Variants in MAPK4 observed in about 807,000 individuals in gnomAD.
MAPK4 encodes mitogen-activated protein kinase 4.
Under a neutral mutation model 47.7 loss-of-function variants are expected in MAPK4, and 22 were observed. That is an observed-to-expected ratio of 0.46 (90% CI 0.33 to 0.66). The LOEUF (loss-of-function observed/expected upper bound fraction) is 0.66, where lower values mean the gene tolerates loss of function less well. Among genes scored for constraint, MAPK4 ranks in the 30% least tolerant of loss-of-function variants. The pLI is 0.02. For missense variants in MAPK4, 736 were observed against 831.7 expected (o/e 0.88, Z 1.42); for synonymous variants, 390 against 365.7 (o/e 1.07, Z -0.76).
At chr18:50,701,839 T>C (rs115863156) in intron 2 of MAPK4, among the ~76,000 whole-genome samples, 3,471 of 152,278 alleles carry the variant, frequency 0.023, 54 homozygotes, top group Admixed American at 0.041. Flanking sequence ...AGAAAACTTA[T>C]AAGGTAAAAG....
intron 2 of MAPK4, among the ~76,000 whole-genome samples, chr18:50,675,931 A>G (rs991619292): frequency 2.6e-5 from 4 of 152,204 alleles, no homozygotes; most frequent in African/African-American, 4.8e-5. Context: ...CTTAAAATGT[A>G]TCTTCCAGAA....
At chr18:50,615,692 C>G (rs149777725) in intron 1 of MAPK4, among the ~76,000 whole-genome samples, 12 of 152,260 alleles carry the variant, frequency 7.9e-5, no homozygotes, top group African/African-American at 1.7e-4. Flanking sequence ...GTAATCTTTG[C>G]CACAGGTGTA....
intron 2 of MAPK4, among the ~76,000 whole-genome samples, chr18:50,697,085 A>G (rs1909554254): frequency 6.6e-6 from 1 of 152,228 alleles, no homozygotes; most frequent in African/African-American, 2.4e-5. Flanking sequence ...TTGCTGAATC[A>G]GAAACCCTGG....
chr18:50,644,252 A>C (rs1256509773), intron 1 of MAPK4, among the ~76,000 whole-genome samples: 2 of 151,844 alleles, frequency 1.3e-5, no homozygotes, highest in Non-Finnish European at 2.9e-5. Flanking sequence ...CCTGTAAATG[A>C]CACCTGGGGA....
intron 2 of MAPK4, chr18:50,704,472 C>A (rs1909946521): frequency 5.0e-6 from 2 of 398,044 alleles, no homozygotes; most frequent in Non-Finnish European, 8.8e-6. Flanking sequence ...CAAAGTGAGA[C>A]CCTGTCTCCA....
At chr18:50,622,896 G>A (rs2042745014) in intron 1 of MAPK4, among the ~76,000 whole-genome samples, 1 of 152,224 alleles carries the variant, frequency 6.6e-6, no homozygotes, top group African/African-American at 2.4e-5. Flanking sequence ...GATTGTCGGG[G>A]AGAAAGTAGT....
intron 1 of MAPK4, among the ~76,000 whole-genome samples, chr18:50,589,213 A>G (rs945234873): frequency 2.0e-5 from 3 of 152,176 alleles, no homozygotes; most frequent in African/African-American, 7.2e-5. Flanking sequence ...CCTGGTCCTA[A>G]AGATTATTTG....
chr18:50,657,762 C>T (rs1366753742), intron 1 of MAPK4, among the ~76,000 whole-genome samples: 1 of 151,636 alleles, frequency 6.6e-6, no homozygotes, highest in African/African-American at 2.4e-5. Context: ...AACATTCAGC[C>T]GTGCACAGGA....
intron 1 of MAPK4, among the ~76,000 whole-genome samples, chr18:50,598,242 G>A (rs2042502586): frequency 6.6e-6 from 1 of 152,288 alleles, no homozygotes; most frequent in South Asian, 2.1e-4. Context: ...ATAAAAATAA[G>A]CAAGAAATAG....
chr18:50,731,177 C>T lies in MAPK4; in HGVS notation c.*1323C>T, dbSNP rs1911545076. ...GGAAGGGACTCAAAGCAGCAATGCC[C>T]CTCATAGTGTAGGCTAAGGTGAGTT... On this transcript the variant is annotated 3_prime_UTR_variant, in exon 6 of 6. Coordinates refer to ENST00000400384, the MANE Select transcript of MAPK4 (RefSeq NM_002747.4). The T allele has an allele frequency of 6.6e-6, 1 of 152,404 alleles. No homozygotes were observed. The highest frequency in any genetic ancestry group is 1.5e-5 in the Non-Finnish European group (1 of 68,172). 9.4% of individuals were successfully genotyped at this position (152,404 alleles called of 1,614,324 possible).
intron 2 of MAPK4, among the ~76,000 whole-genome samples, chr18:50,677,276 A>G (rs1908326281): frequency 6.6e-6 from 1 of 152,210 alleles, no homozygotes; most frequent in Non-Finnish European, 1.5e-5. Context: ...AAAAACTCCA[A>G]AATGTTAACA....
At chr18:50,669,355 G>T (rs1887638452) in intron 2 of MAPK4, 1 of 152,240 alleles carries the variant, frequency 6.6e-6, no homozygotes, top group African/African-American at 2.4e-5. Flanking sequence ...TAAGGCTTAA[G>T]AAAGGTCAGG....
chr18:50,717,410 G>A (rs1313081701), intron 3 of MAPK4, among the ~76,000 whole-genome samples: 1 of 152,072 alleles, frequency 6.6e-6, no homozygotes, highest in Non-Finnish European at 1.5e-5. Context: ...GCTTACAGGA[G>A]GCATGGCCAG....
Position 50,656,046 on chromosome 18 carries a change from AAT to A in MAPK4, c.-870-7042_-870-7041del, listed in dbSNP as rs1407687817. Among the ~76,000 whole-genome samples the A allele has an allele frequency of 8.5e-5, 13 of 152,204 alleles. No homozygotes were observed. In the East Asian group the frequency reaches 2.3e-3, roughly 27 times the overall value. ...AGAATTCTATCTGACTCTGGAATCT[AAT>A]GAGATCCATGCCAGGTGAGACCCAG... On this transcript the variant is annotated intron_variant, in intron 1 of 5. Transcript: ENST00000400384.
intron 1 of MAPK4, among the ~76,000 whole-genome samples, chr18:50,653,681 C>T (rs1423471282): frequency 1.3e-5 from 2 of 152,208 alleles, no homozygotes; most frequent in South Asian, 2.1e-4. Flanking sequence ...CTGTGCACCA[C>T]GCACTGTGCT....
chr18:50,584,100 C>A (rs946679348), intron 1 of MAPK4, among the ~76,000 whole-genome samples: 1 of 152,202 alleles, frequency 6.6e-6, no homozygotes, highest in African/African-American at 2.4e-5. Context: ...AGGACTGATG[C>A]TTGCTGGGAG....
At chr18:50,581,194 A>G (rs1230178293) in intron 1 of MAPK4, among the ~76,000 whole-genome samples, 1 of 152,206 alleles carries the variant, frequency 6.6e-6, no homozygotes, top group African/African-American at 2.4e-5. Flanking sequence ...TAAAACGGCA[A>G]AGGTTTATTT....
intron 1 of MAPK4, among the ~76,000 whole-genome samples, chr18:50,651,878 C>G (rs1362009617): frequency 6.6e-6 from 1 of 152,232 alleles, no homozygotes; most frequent in Non-Finnish European, 1.5e-5. Flanking sequence ...GTGGTTTCAC[C>G]TCTTCCCGTG....
intron 3 of MAPK4, among the ~76,000 whole-genome samples, chr18:50,716,050 A>G (rs1013407629): frequency 4.6e-5 from 7 of 152,112 alleles, no homozygotes; most frequent in Non-Finnish European, 1.5e-5. Flanking sequence ...CTTGTCCTCC[A>G]TGACGTCTCT....
Sources: allele counts gnomAD v4.1 joint callset (sites outside exome capture counted in the v4.1 genomes callset), GRCh38; gene constraint gnomAD v4.1.1; transcripts MANE v1.5; gene names NCBI Gene and HGNC (gene_info 2026-07-23, HGNC 2026-07-21).